Variants in CALN1 observed in about 807,000 individuals in gnomAD.
CALN1 encodes calneuron 1, also known as calcium-binding protein 8.
A neutral mutation model predicts 30.6 loss-of-function variants in CALN1; 17 were observed. That is an observed-to-expected ratio of 0.56 (90% CI 0.38 to 0.83). CALN1 has a LOEUF of 0.83. CALN1 is among the 40% of genes least tolerant of loss of function. The pLI is 0.00. For synonymous variants in CALN1, 156 were observed against 131.4 expected (o/e 1.19, Z -1.28); for missense variants, 291 against 354.9 (o/e 0.82, Z 1.45).
intron 3 of CALN1, among the ~76,000 whole-genome samples, chr7:72,194,643 G>A (rs1365617576): frequency 1.4e-5 from 2 of 147,242 alleles, no homozygotes; most frequent in Non-Finnish European, 3.0e-5. Context: ...CCAGGCTGGA[G>A]TGCAGTGGCA....
chr7:71,869,481 G>A (rs957617164), intron 5 of CALN1, among the ~76,000 whole-genome samples: 7 of 152,170 alleles, frequency 4.6e-5, no homozygotes, highest in African/African-American at 1.7e-4. Flanking sequence ...CAAAGTGTTG[G>A]GATTACAGGC....
intron 5 of CALN1, among the ~76,000 whole-genome samples, chr7:72,022,891 G>GA (rs1296205149): frequency 7.9e-5 from 10 of 127,360 alleles, no homozygotes; most frequent in African/African-American, 2.9e-4. Flanking sequence ...CTGGTGAAGG[G>GA]AAAAAACAAA....
At chr7:72,024,961 G>A (rs973760001) in intron 4 of CALN1, among the ~76,000 whole-genome samples, 4 of 152,030 alleles carry the variant, frequency 2.6e-5, no homozygotes, top group Admixed American at 1.3e-4. Context: ...AGAACTGGTC[G>A]AACTTTTTTT....
At chr7:72,343,120 C>T (rs1358644196) in intron 2 of CALN1, among the ~76,000 whole-genome samples, 1 of 152,114 alleles carries the variant, frequency 6.6e-6, no homozygotes, top group Non-Finnish European at 1.5e-5. Flanking sequence ...GCTATAACTG[C>T]CTCGAAAGAC....
chr7:72,334,357 T>C (rs73131431), intron 2 of CALN1, among the ~76,000 whole-genome samples: 2 of 152,106 alleles, frequency 1.3e-5, no homozygotes, highest in African/African-American at 4.8e-5. Context: ...GCCACAGATA[T>C]CCCACCCTGG....
chr7:71,937,235 G>A (rs564315925), intron 5 of CALN1, among the ~76,000 whole-genome samples: 205 of 151,988 alleles, frequency 1.3e-3, no homozygotes, highest in African/African-American at 4.6e-3. Context: ...GCTTGAACCC[G>A]GGAGACAGAG....
intron 4 of CALN1, among the ~76,000 whole-genome samples, chr7:72,025,506 C>T (rs920639161): frequency 6.6e-6 from 1 of 152,130 alleles, no homozygotes; most frequent in African/African-American, 2.4e-5. Flanking sequence ...GTCTCTTGCT[C>T]GTTCTTTCTT....
chr7:72,424,950 G>A (rs920751833), intron 1 of CALN1, among the ~76,000 whole-genome samples: 1 of 152,046 alleles, frequency 6.6e-6, no homozygotes, highest in Non-Finnish European at 1.5e-5. Flanking sequence ...CGGGTGTAAG[G>A]CTGGGCCCAT....
intron 3 of CALN1, among the ~76,000 whole-genome samples, chr7:72,233,532 A>G (rs1794259533): frequency 6.6e-6 from 1 of 152,104 alleles, no homozygotes; most frequent in Non-Finnish European, 1.5e-5. Context: ...CATCGGCAAC[A>G]TAGTGAGACC....
the CALN1 span, among the ~76,000 whole-genome samples, chr7:72,479,575 T>A: frequency 6.8e-6 from 1 of 146,808 alleles, no homozygotes; most frequent in South Asian, 2.1e-4. Context: ...TTTTTTGAGA[T>A]GGAGTCCCGC....
intron 5 of CALN1, among the ~76,000 whole-genome samples, chr7:71,943,874 G>A (rs956823180): frequency 3.9e-5 from 6 of 152,142 alleles, no homozygotes; most frequent in Non-Finnish European, 2.9e-5. Flanking sequence ...CTATGTATAG[G>A]CAGGATGAAA....
intron 3 of CALN1, among the ~76,000 whole-genome samples, chr7:72,125,799 C>CTTTTTTTTTTTTTTTTTTTTTTTT: frequency 8.7e-6 from 1 of 114,776 alleles, no homozygotes; most frequent in Non-Finnish European, 1.7e-5. Context: ...CTGTATCATT[C>CTTTTTTTTTTTTTTTTTTTTTTTT]TTTTTTTTTT....
chr7:72,170,008 T>C (rs1788824771), intron 3 of CALN1, among the ~76,000 whole-genome samples: 1 of 152,022 alleles, frequency 6.6e-6, no homozygotes, highest in Non-Finnish European at 1.5e-5. Context: ...TTATTGTTAT[T>C]TTCTTAGGGA....
rs55977265 is a variant in CALN1 at position 71,837,243 on chromosome 7, C to CAAAAAAAAAAAAAAAAAAAA, written c.502-26771_502-26752dup. On this transcript the variant is annotated intron_variant, in intron 5 of 6. Transcript: ENST00000395275. ...CGAAACTCCATCTCAAAAAAAAAGACAAAAAAAAAAAAAAAAAAAAAAGCC... is the reference window on the plus strand; with the variant it reads ...CGAAACTCCATCTCAAAAAAAAAGACAAAAAAAAAAAAAAAAAAAAAAAAAAAAAAAAAAAAAAAAAAGCC... 4.2e-4 allele frequency among the ~76,000 whole-genome samples: 33 copies of CAAAAAAAAAAAAAAAAAAAA among 79,106 alleles called. 3 individuals are homozygous for CAAAAAAAAAAAAAAAAAAAA. The highest frequency in any genetic ancestry group is 4.9e-4 in the African/African-American group (10 of 20,558). The allele number at this position is 79,106 out of a possible 152,430, so 51.9% of individuals were successfully genotyped here. A position where few individuals can be genotyped will look rare whatever the true frequency, so the allele number is the denominator to read the frequency against.
intron 3 of CALN1, among the ~76,000 whole-genome samples, chr7:72,191,060 C>T (rs531558596): frequency 5.3e-5 from 8 of 152,278 alleles, no homozygotes; most frequent in East Asian, 1.9e-4. Flanking sequence ...ATGGCCAAGA[C>T]GTAGTTACTG....
At chr7:72,020,525 G>T (rs73701629) in intron 5 of CALN1, among the ~76,000 whole-genome samples, 1,603 of 152,260 alleles carry the variant, frequency 0.011, 25 homozygotes, top group African/African-American at 0.036. Context: ...TGATTACTGA[G>T]AATTGATGGA....
intron 5 of CALN1, among the ~76,000 whole-genome samples, chr7:71,952,731 C>T (rs1796757738): frequency 6.6e-6 from 1 of 152,056 alleles, no homozygotes; most frequent in Admixed American, 6.6e-5. Flanking sequence ...CCCTCTTGCA[C>T]AATCTGCTGA....
chr7:72,403,224 C>G (rs145695517), intron 2 of CALN1, 27 bp downstream of exon 2: 16,110 of 1,532,212 alleles, frequency 0.011, 112 homozygotes, highest in Middle Eastern at 0.022. Context: ...CAATCTAGGT[C>G]CTTGGGTTTG....
chr7:72,022,957 A>G (rs137976373), intron 5 of CALN1, among the ~76,000 whole-genome samples: 6 of 151,436 alleles, frequency 4.0e-5, no homozygotes, highest in Admixed American at 3.9e-4. Flanking sequence ...AAAAAGAAAA[A>G]TCATGCTGTG....
Sources: allele counts gnomAD v4.1 joint callset (sites outside exome capture counted in the v4.1 genomes callset), GRCh38; gene constraint gnomAD v4.1.1; transcripts MANE v1.5; gene names NCBI Gene and HGNC (gene_info 2026-07-23, HGNC 2026-07-21).